CYP3A5: variants seen among roughly 807,000 people sequenced by gnomAD.
The protein encoded by CYP3A5 is cytochrome P450 family 3 subfamily A member 5.
In CYP3A5, 51 loss-of-function variants were observed where a neutral mutation model predicts 55.9. The observed-to-expected ratio is 0.91, with a 90% CI of 0.73 to 1.15. CYP3A5 has a LOEUF of 1.15. Ranked by LOEUF, CYP3A5 falls within the 50% of genes most tolerant of loss-of-function variation. The pLI, the probability that CYP3A5 is intolerant of heterozygous loss-of-function variation, is 0.00. For synonymous variants in CYP3A5, 196 were observed against 213.9 expected, an observed-to-expected ratio of 0.92 and a Z score of 0.73; for missense variants, 533 against 596.6, an observed-to-expected ratio of 0.89 and a Z score of 1.11.
chr7:99,660,631 C>T lies in CYP3A5; in HGVS notation c.894G>A (p.Gln298=). 1.2e-6 allele frequency: 2 copies of T among 1,613,880 alleles called. No individual in the cohort carries two copies. Among genetic ancestry groups the T allele is most frequent in the Non-Finnish European group, 1.7e-6 (2 of 1,179,880 alleles). ...KALSDLELAA[Q]SIIFIFAGYE... ...AGCCAGCAAAAATGAAGATTATTGACTGGGCTGCGAGCTCCAGATCAGACA... is the reference window on the plus strand; with the variant it reads ...AGCCAGCAAAAATGAAGATTATTGATTGGGCTGCGAGCTCCAGATCAGACA... Residue 298 remains glutamine (Q), a synonymous_variant, in exon 10 of 13, where the codon CAG becomes CAA. Transcript: ENST00000222982.
At chr7:99,657,984 C>T (rs1241089728) in intron 10 of CYP3A5, among the ~76,000 whole-genome samples, 7 of 152,122 alleles carry the variant, frequency 4.6e-5, no homozygotes, top group Non-Finnish European at 4.4e-5. Context: ...TTACTTTGCA[C>T]GTGAGATGGG....
intron 1 of CYP3A5, among the ~76,000 whole-genome samples, chr7:99,678,292 A>G (rs565741691): frequency 1.3e-5 from 2 of 152,296 alleles, no homozygotes; most frequent in Admixed American, 1.3e-4. Context: ...CGGTGGGGCC[A>G]GGACCCATGA....
Position 99,660,400 on chromosome 7 carries a change from T to G in CYP3A5, c.1026+99A>C, listed in dbSNP as rs995123579. 12 of 1,485,854 alleles carry G rather than the reference T, an allele frequency of 8.1e-6. No individual in the cohort carries two copies. The South Asian group carries it at 1.7e-4, about 21-fold the overall frequency. 92.0% of individuals were successfully genotyped at this position (1,485,854 alleles called of 1,614,324 possible). A position where few individuals can be genotyped will look rare whatever the true frequency, so the allele number is the denominator to read the frequency against. On this transcript the variant is annotated intron_variant, in intron 10 of 12. Transcript: ENST00000222982. The stretch of plus-strand genomic sequence containing the variant: ...TACATTATGTCAGTGAAGGAATCAG[T>G]GATTATGCTTTTTATAAAAATTCTC...
intron 10 of CYP3A5, among the ~76,000 whole-genome samples, chr7:99,658,329 C>T (rs1809994170): frequency 6.6e-6 from 1 of 152,064 alleles, no homozygotes; most frequent in Non-Finnish European, 1.5e-5. Flanking sequence ...TTTATTTCTC[C>T]TTCACTTATG....
In CYP3A5 at chr7:99,672,585, G is replaced by A. The variant is rs776567184; in HGVS notation, c.313C>T (p.Arg105Ter). 3.7e-6 allele frequency: 6 copies of A among 1,612,808 alleles called. No individual in the cohort carries two copies. In the Admixed American group the frequency reaches 5.0e-5, roughly 13 times the overall value. Residue 105 changes from arginine (R) to a stop codon, truncating the protein, a stop_gained, in exon 4 of 13, where the codon CGA becomes TGA. Transcript: ENST00000222982. LOFTEE classifies it high-confidence loss of function. ...VKECYSVFTN[R>*]RSLGPVGFMK... ...TTCAAAAAATGGATGCTTACCCTTCGATTTGTGAAGACAGAATAACATTCT... is the reference window on the plus strand; with the variant it reads ...TTCAAAAAATGGATGCTTACCCTTCAATTTGTGAAGACAGAATAACATTCT...
In CYP3A5 at chr7:99,673,985, G is replaced by A. The variant is rs528171678; in HGVS notation, c.218+548C>T. Reference sequence around the variant, plus strand: ...GCCTCGAAAAGTTTTACAATAGCGAGTGTGAACTTTATCAGAACCAAAGTG... The same window carrying A: ...GCCTCGAAAAGTTTTACAATAGCGAATGTGAACTTTATCAGAACCAAAGTG... On this transcript the variant is annotated intron_variant, in intron 3 of 12. Coordinates refer to ENST00000222982, the MANE Select transcript of CYP3A5 (RefSeq NM_000777.5). 3.4e-3 allele frequency among the ~76,000 whole-genome samples: 513 copies of A among 152,304 alleles called. 2 individuals are homozygous for A. Among genetic ancestry groups the A allele is most frequent in the South Asian group, 0.011 (52 of 4,826 alleles).
At chr7:99,660,901 G>A (rs10247580) in intron 9 of CYP3A5, among the ~76,000 whole-genome samples, 3,790 of 152,202 alleles carry the variant, frequency 0.025, 155 homozygotes, top group African/African-American at 0.087. Context: ...CCTCATCATG[G>A]CATCCCAGCA....
chr7:99,658,087 G>A (rs1024231015), intron 10 of CYP3A5, among the ~76,000 whole-genome samples: 8 of 152,094 alleles, frequency 5.3e-5, no homozygotes, highest in Non-Finnish European at 1.0e-4. Context: ...TTACATTTAA[G>A]GTTAATATTT....
chr7:99,650,298 G>T (rs1307340550), intron 11 of CYP3A5, 66 bp from the exon 12 acceptor site: 2 of 1,511,732 alleles, frequency 1.3e-6, no homozygotes, highest in Non-Finnish European at 1.8e-6. Flanking sequence ...CATGTTAGGG[G>T]TTCTTACTTA....
At chr7:99,652,920 A>T in intron 10 of CYP3A5, 141 bp from the exon 11 acceptor site, 6 of 663,508 alleles carry the variant, frequency 9.0e-6, no homozygotes, top group Non-Finnish European at 1.3e-5. Flanking sequence ...GAAGTATTTT[A>T]ATAACTGGCA....
At chr7:99,650,681 C>T (rs10224569) in intron 11 of CYP3A5, among the ~76,000 whole-genome samples, 9,431 of 152,132 alleles carry the variant, frequency 0.062, 943 homozygotes, top group African/African-American at 0.21. Context: ...CTTTCCTTCT[C>T]CTGTCATCTC....
chr7:99,659,554 C>T (rs1238163028), intron 10 of CYP3A5: 2 of 154,014 alleles, frequency 1.3e-5, no homozygotes, highest in Non-Finnish European at 2.9e-5. Flanking sequence ...TCTGTCTGTT[C>T]TCAGATCTCC....
chr7:99,675,978 A>T lies in CYP3A5; in HGVS notation c.165+137T>A, dbSNP rs567303899. On this transcript the variant is annotated intron_variant, in intron 2 of 12. Transcript: ENST00000222982. Reference sequence around the variant, plus strand: ...CACAGAGGCTGAGATTACAGGCATGATCCACTGCACCCAGTCCCACCATTT... The same window carrying T: ...CACAGAGGCTGAGATTACAGGCATGTTCCACTGCACCCAGTCCCACCATTT... The T allele has an allele frequency of 1.3e-4, 89 of 697,630 alleles. No homozygotes were observed. In the South Asian group the frequency reaches 1.5e-3, roughly 12 times the overall value. The allele number at this position is 697,630 out of a possible 1,614,324, so 43.2% of individuals were successfully genotyped here.
At position 99,660,377 on chromosome 7, in the gene CYP3A5, C is replaced by T. The variant is rs573211650; in HGVS notation, c.1026+122G>A. 635 of 1,464,406 alleles carry T rather than the reference C, an allele frequency of 4.3e-4. 5 individuals carry two copies. In the South Asian group the frequency reaches 8.5e-3, roughly 20 times the overall value. The allele number at this position is 1,464,406 out of a possible 1,614,324, so 90.7% of individuals were successfully genotyped here. A position where few individuals can be genotyped will look rare whatever the true frequency, so the allele number is the denominator to read the frequency against. On this transcript the variant is annotated intron_variant, in intron 10 of 12. Transcript: ENST00000222982. ...TGTTTTTCTCCTCAGAGGCTTCCTACATTATGTCAGTGAAGGAATCAGTGA... is the reference window on the plus strand; with the variant it reads ...TGTTTTTCTCCTCAGAGGCTTCCTATATTATGTCAGTGAAGGAATCAGTGA...
intron 6 of CYP3A5, among the ~76,000 whole-genome samples, chr7:99,666,313 TG>T (rs951873666): frequency 6.6e-6 from 1 of 152,188 alleles, no homozygotes; most frequent in African/African-American, 2.4e-5. Context: ...GATACAATCA[TG>T]TTTTTTTAAT....
In CYP3A5 at chr7:99,660,630, A is replaced by C. The variant is rs755596838; in HGVS notation, c.895T>G (p.Ser299Ala). 6 of 1,613,928 alleles carry C rather than the reference A, an allele frequency of 3.7e-6. No homozygotes were observed. Among genetic ancestry groups the C allele is most frequent in the Middle Eastern group, 1.7e-4 (1 of 6,058 alleles). ...TAGCCAGCAAAAATGAAGATTATTGACTGGGCTGCGAGCTCCAGATCAGAC... is the reference window on the plus strand; with the variant it reads ...TAGCCAGCAAAAATGAAGATTATTGCCTGGGCTGCGAGCTCCAGATCAGAC... The part of the protein sequence containing the change: ...ALSDLELAAQ[S>A]IIFIFAGYET... The change falls in exon 10 of 13, where the codon TCA becomes GCA. Residue 299 changes from serine (S) to alanine (A), a missense_variant. Coordinates refer to ENST00000222982, the MANE Select transcript of CYP3A5 (RefSeq NM_000777.5).
chr7:99,648,373 G>A lies in CYP3A5; in HGVS notation c.1441C>T (p.Leu481Phe). The change falls in exon 13 of 13, where the codon CTT becomes TTT. Residue 481 changes from leucine to phenylalanine, a missense_variant. By Grantham distance (22) the Leu-to-Phe change is conservative. Coordinates refer to ENST00000222982, the MANE Select transcript of CYP3A5 (RefSeq NM_000777.5). ...ACAATGGGTTTTTCTGGTTGAAGAA[G>A]TCCTTGCGTGTCTAATTTCAAGGGG... Reference protein sequence around the residue: ...QIPLKLDTQGLLQPEKPIVLK... With the variant: ...QIPLKLDTQGFLQPEKPIVLK... 1 of 1,612,046 alleles carries A rather than the reference G, an allele frequency of 6.2e-7. No homozygotes were observed. Among genetic ancestry groups the A allele is most frequent in the Non-Finnish European group, 8.5e-7 (1 of 1,178,656 alleles).
Position 99,664,082 on chromosome 7 carries a change from G to A in CYP3A5, c.684C>T (p.Phe228=). ...PLFLSIILFP[F]LTPVFEALNV... is the part of the protein sequence containing the mutation. ...TTAATGCTTCAAAAACTGGGGTAAG[G>A]AATGGAAAGAGTACTGTGGGAAAAA... The change falls in exon 8 of 13, where the codon TTC becomes TTT. Residue 228 remains phenylalanine, a synonymous_variant. Coordinates refer to ENST00000222982, the MANE Select transcript of CYP3A5 (RefSeq NM_000777.5). 1 of 1,588,142 alleles carries A rather than the reference G, an allele frequency of 6.3e-7. No homozygotes were observed. The highest frequency in any genetic ancestry group is 8.5e-7 in the Non-Finnish European group (1 of 1,173,760).
intron 5 of CYP3A5, 103 bp from the exon 6 acceptor site, chr7:99,666,792 G>A: frequency 6.3e-7 from 1 of 1,596,168 alleles, no homozygotes; most frequent in Non-Finnish European, 8.5e-7. Context: ...ATTTTGTAAT[G>A]AATTTTGTGA....
Sources: gnomAD v4.1 joint callset for allele counts (sites outside exome capture counted in the v4.1 genomes callset) on GRCh38, gnomAD v4.1.1 for gene constraint, MANE v1.5 for transcripts, NCBI Gene and HGNC (gene_info 2026-07-23, HGNC 2026-07-21) for gene names.